ELK4: variants seen among roughly 807,000 people sequenced by gnomAD.
The protein encoded by ELK4 is ETS domain-containing protein Elk-4.
Under a neutral mutation model 29.6 loss-of-function variants are expected in ELK4, and 16 were observed. The ratio of observed to expected loss-of-function variants is 0.54; its 90% confidence interval spans 0.37 to 0.82. ELK4 has a LOEUF of 0.82. Among genes scored for constraint, ELK4 ranks in the 40% least tolerant of loss-of-function variants. The pLI is 0.00. For synonymous variants in ELK4, 213 were observed against 191.1 expected (o/e 1.11, Z -0.95); for missense variants, 465 against 507.1 (o/e 0.92, Z 0.80).
chr1:205,624,752 G>T (rs977099342), intron 1 of ELK4, among the ~76,000 whole-genome samples: 63 of 152,140 alleles, frequency 4.1e-4, no homozygotes, highest in African/African-American at 1.4e-3. Flanking sequence ...CAGCATACCC[G>T]GCCTCTACCC....
At chr1:205,625,969 G>A (rs972699310) in intron 1 of ELK4, 89 of 1,045,734 alleles carry the variant, frequency 8.5e-5, no homozygotes, top group Non-Finnish European at 1.2e-4. Context: ...AAGCCACTGC[G>A]CCCGGCCCAG....
In ELK4 at chr1:205,620,633, C is replaced by A; in HGVS notation, c.413G>T (p.Arg138Leu). The A allele has an allele frequency of 1.2e-6, 2 of 1,614,090 alleles. No homozygotes were observed. The highest frequency in any genetic ancestry group is 1.7e-6 in the Non-Finnish European group (2 of 1,180,022). The change falls in exon 3 of 5, where the codon CGC becomes CTC. Residue 138 changes from arginine to leucine, a missense_variant. Physicochemically the swap from Arg to Leu is moderately radical, Grantham distance 102. This residue lies in a region of ELK4 where 385 missense variants were observed against 387.5 expected (regional missense o/e 0.99). Transcript: ENST00000357992. ...TAAGCCAGAGTGTATGTAGTCATTG[C>A]GGCTAGAGGTCTTGGCACCAGGCTG... is the stretch of plus-strand genomic sequence containing the variant. ...PPQPGAKTSS[R>L]NDYIHSGLYS...
Position 205,612,786 on chromosome 1 carries a change from C to T in ELK4, c.*3760G>A, listed in dbSNP as rs1056519619. 3 of 208,732 alleles carry T rather than the reference C, an allele frequency of 1.4e-5. No individual in the cohort carries two copies. Among genetic ancestry groups the T allele is most frequent in the Non-Finnish European group, 2.9e-5 (3 of 102,658 alleles). 12.9% of individuals were successfully genotyped at this position (208,732 alleles called of 1,614,324 possible). A position where few individuals can be genotyped will look rare whatever the true frequency, so the allele number is the denominator to read the frequency against. ...TACTATCAACAGCCTGGAGTTACAGCTCCAGAATTCCAAACCTCTGATTTA... is the reference window on the plus strand; with the variant it reads ...TACTATCAACAGCCTGGAGTTACAGTTCCAGAATTCCAAACCTCTGATTTA... On this transcript the variant is annotated 3_prime_UTR_variant, in exon 5 of 5. Coordinates refer to ENST00000357992, the MANE Select transcript of ELK4 (RefSeq NM_001973.4).
chr1:205,631,263 G>C (rs1234587809), intron 1 of ELK4, among the ~76,000 whole-genome samples: 1 of 151,760 alleles, frequency 6.6e-6, no homozygotes, highest in Non-Finnish European at 1.5e-5. Flanking sequence ...GGGGGAAGAG[G>C]TGCAACCTCA....
At chr1:205,622,553 A>G (rs1259613098) in intron 2 of ELK4, among the ~76,000 whole-genome samples, 1 of 151,844 alleles carries the variant, frequency 6.6e-6, no homozygotes, top group Non-Finnish European at 1.5e-5. Flanking sequence ...CCACCGCGCC[A>G]CACTGTTTTT....
Position 205,616,654 on chromosome 1 carries a change from A to G in ELK4, c.1198-10T>C, listed in dbSNP as rs765285344. 6.2e-7 allele frequency: 1 copy of G among 1,608,786 alleles called. No homozygotes were observed. Among genetic ancestry groups the G allele is most frequent in the Non-Finnish European group, 8.5e-7 (1 of 1,175,494 alleles). ...TCAGTACAGAAGGAAACTGAGAAAG[A>G]AAACAAAACACATTATCATCCTATT... On this transcript the variant is annotated splice_polypyrimidine_tract_variant and intron_variant, in intron 4 of 4. Coordinates refer to ENST00000357992, the MANE Select transcript of ELK4 (RefSeq NM_001973.4).
chr1:205,627,508 C>CA (rs767901372), intron 1 of ELK4, among the ~76,000 whole-genome samples: 91 of 119,032 alleles, frequency 7.6e-4, no homozygotes, highest in Middle Eastern at 4.2e-3. Flanking sequence ...GACTCCGCCT[C>CA]AAAAAAAAAA....
chr1:205,618,821 C>T (rs1486686592), intron 4 of ELK4, 136 bp downstream of exon 4: 1 of 602,284 alleles, frequency 1.7e-6, no homozygotes, highest in Non-Finnish European at 2.7e-6. Flanking sequence ...AGGACTCCAT[C>T]TCAAAAAAAT....
chr1:205,631,041 T>C (rs1405329731), intron 1 of ELK4, among the ~76,000 whole-genome samples: 1 of 152,246 alleles, frequency 6.6e-6, no homozygotes, highest in Non-Finnish European at 1.5e-5. Flanking sequence ...GGCCAGTTAC[T>C]ATCCCGCCCC....
chr1:205,610,246 G>A lies in ELK4; in HGVS notation c.*6300C>T, dbSNP rs1026659661. ...TCCTTGGAAGGGAAAAGAACCAGAA[G>A]GAGCCTTTATGAGATGGGAAACAAG... On this transcript the variant is annotated 3_prime_UTR_variant, in exon 5 of 5. Coordinates refer to ENST00000357992, the MANE Select transcript of ELK4 (RefSeq NM_001973.4). The A allele has an allele frequency of 1.3e-5, 3 of 231,610 alleles. No homozygotes were observed. The highest frequency in any genetic ancestry group is 5.6e-5 in the Admixed American group (1 of 17,734). The allele number at this position is 231,610 out of a possible 1,614,324, so 14.3% of individuals were successfully genotyped here. A position where few individuals can be genotyped will look rare whatever the true frequency, so the allele number is the denominator to read the frequency against.
chr1:205,630,788 A>G (rs1191432053), intron 1 of ELK4, among the ~76,000 whole-genome samples: 1 of 152,226 alleles, frequency 6.6e-6, no homozygotes. Flanking sequence ...TTTTAATGAA[A>G]ACACCGCTGC....
chr1:205,627,592 G>A (rs1356062481), intron 1 of ELK4, among the ~76,000 whole-genome samples: 1 of 151,850 alleles, frequency 6.6e-6, no homozygotes, highest in African/African-American at 2.4e-5. Flanking sequence ...CACCTAAGGA[G>A]GTGAATTTTA....
intron 4 of ELK4, among the ~76,000 whole-genome samples, 200 bp from the exon 5 acceptor site, chr1:205,616,844 T>C (rs1300179851): frequency 1.3e-5 from 2 of 152,246 alleles, no homozygotes; most frequent in African/African-American, 2.4e-5. Context: ...ACATATTAAA[T>C]ATTAACATTC....
At chr1:205,619,297 GT>G in intron 3 of ELK4, 3 of 1,037,420 alleles carry the variant, frequency 2.9e-6, no homozygotes, top group Non-Finnish European at 3.5e-6. Flanking sequence ...TATTTCAATA[GT>G]TTTTGGGGGT....
chr1:205,625,154 GACT>G (rs976376050), intron 1 of ELK4, among the ~76,000 whole-genome samples: 3 of 151,888 alleles, frequency 2.0e-5, no homozygotes, highest in African/African-American at 7.3e-5. Flanking sequence ...ATCAAAACTG[GACT>G]ACAACAAAAT....
At chr1:205,616,800 TAACAAAAACTAGA>T (rs1484319765) in intron 4 of ELK4, among the ~76,000 whole-genome samples, 156 bp from the exon 5 acceptor site, 1 of 152,208 alleles carries the variant, frequency 6.6e-6, no homozygotes, top group East Asian at 1.9e-4. Context: ...TATGATGTCA[TAACAAAAACTAGA>T]AACAAAAATC....
intron 1 of ELK4, chr1:205,626,218 C>G (rs1218877243): frequency 1.8e-6 from 1 of 555,614 alleles, no homozygotes; most frequent in Non-Finnish European, 3.5e-6. Flanking sequence ...CTTTCTTGAC[C>G]TCCTCCTCCA....
rs1670109641 is a variant in ELK4 at position 205,608,703 on chromosome 1, T to TA, written c.*7842dup. ...CCATTCCTCTGGGTAGGTGTGCACT[T>TA]ACATTATATGTAAGTATCTCTACAA... On this transcript the variant is annotated 3_prime_UTR_variant, in exon 5 of 5. Transcript: ENST00000357992. 1 of 193,888 alleles carries TA rather than the reference T, an allele frequency of 5.2e-6. No individual in the cohort carries two copies. The highest frequency in any genetic ancestry group is 1.1e-5 in the Non-Finnish European group (1 of 93,194). 12.0% of individuals were successfully genotyped at this position (193,888 alleles called of 1,614,324 possible). A position where few individuals can be genotyped will look rare whatever the true frequency, so the allele number is the denominator to read the frequency against.
Position 205,608,569 on chromosome 1 carries a change from G to GAA in ELK4, c.*7975_*7976dup. 3 of 176,426 alleles carry GAA rather than the reference G, an allele frequency of 1.7e-5. No homozygotes were observed. The highest frequency in any genetic ancestry group is 3.5e-5 in the Non-Finnish European group (3 of 85,082). The allele number at this position is 176,426 out of a possible 1,614,324, so 10.9% of individuals were successfully genotyped here. On this transcript the variant is annotated 3_prime_UTR_variant, in exon 5 of 5. Coordinates refer to ENST00000357992, the MANE Select transcript of ELK4 (RefSeq NM_001973.4). The stretch of plus-strand genomic sequence containing the variant: ...ATTTTAATTGCTTTTTTAGGAAAAA[G>GAA]AAAAAAAAAAGGTGCTTTTAATACT...
Sources: allele counts gnomAD v4.1 joint callset (sites outside exome capture counted in the v4.1 genomes callset), GRCh38; gene constraint gnomAD v4.1.1; regional missense constraint gnomAD v4.1.1; transcripts MANE v1.5; gene names NCBI Gene and HGNC (gene_info 2026-07-23, HGNC 2026-07-21).